The following TLK2 variants were observed in gnomAD, a reference collection of about 807,000 sequenced individuals.
TLK2 encodes the protein tousled like kinase 2.
A neutral mutation model predicts 117.3 loss-of-function variants in TLK2; 6 were observed. That is an observed-to-expected ratio of 0.05 (90% CI 0.03 to 0.10). The LOEUF (loss-of-function observed/expected upper bound fraction) is 0.10, where lower values mean the gene tolerates loss of function less well. Ranked by LOEUF, TLK2 falls within the 10% of genes least tolerant of loss-of-function variation. The pLI is 1.00. For synonymous variants in TLK2, 257 were observed against 316.7 expected (o/e 0.81, Z 2.00); for missense variants, 299 against 901.2 (o/e 0.33, Z 8.56).
intron 2 of TLK2, among the ~76,000 whole-genome samples, chr17:62,503,297 A>C (rs529389804): frequency 1.3e-5 from 2 of 151,978 alleles, no homozygotes; most frequent in South Asian, 4.1e-4. Context: ...TGACCCTGTG[A>C]TCCGCCTGCC....
chr17:62,602,833 G>A (rs1365084012), intron 19 of TLK2, among the ~76,000 whole-genome samples: 1 of 151,966 alleles, frequency 6.6e-6, no homozygotes, highest in Non-Finnish European at 1.5e-5. Flanking sequence ...ATTACCTTTG[G>A]CCATTAGAAC....
chr17:62,606,068 T>G (rs2083279942), intron 19 of TLK2, 62 bp from the exon 20 acceptor site: 2 of 723,142 alleles, frequency 2.8e-6, no homozygotes, highest in Non-Finnish European at 4.2e-6. Context: ...TTTGTCTTTT[T>G]GTACATGTCT....
At chr17:62,484,590 G>A (rs571405683) in intron 2 of TLK2, among the ~76,000 whole-genome samples, 9 of 152,102 alleles carry the variant, frequency 5.9e-5, no homozygotes, top group Non-Finnish European at 1.2e-4. Context: ...GAGCCATCGC[G>A]CCCAGCCTTT....
At chr17:62,537,774 G>C (rs1022172896) in intron 7 of TLK2, among the ~76,000 whole-genome samples, 1 of 152,126 alleles carries the variant, frequency 6.6e-6, no homozygotes, top group Non-Finnish European at 1.5e-5. Flanking sequence ...GAAGTGTTTT[G>C]ATCTTTAATC....
At chr17:62,538,077 C>T (rs1327055764) in intron 7 of TLK2, among the ~76,000 whole-genome samples, 1 of 139,630 alleles carries the variant, frequency 7.2e-6, no homozygotes, top group Admixed American at 7.8e-5. Flanking sequence ...GTTCTGTCGC[C>T]CAGTCTGGAG....
At chr17:62,480,609 CAGG>C (rs2071523719) in intron 1 of TLK2, among the ~76,000 whole-genome samples, 1 of 152,198 alleles carries the variant, frequency 6.6e-6, no homozygotes, top group African/African-American at 2.4e-5. Context: ...TCTTCAGAGA[CAGG>C]AGCTGTATAA....
chr17:62,608,195 T>C, intron 21 of TLK2, 47 bp downstream of exon 21: 1 of 1,508,328 alleles, frequency 6.6e-7, no homozygotes, highest in Non-Finnish European at 9.1e-7. Context: ...CTGCTTTGCT[T>C]TCTGTATTAC....
intron 2 of TLK2, among the ~76,000 whole-genome samples, chr17:62,496,768 A>T (rs2073731833): frequency 6.6e-6 from 1 of 152,072 alleles, no homozygotes; most frequent in African/African-American, 2.4e-5. Context: ...ATCCTGGCTA[A>T]CATAGTGAAA....
chr17:62,511,424 G>T (rs1424379233), intron 2 of TLK2, among the ~76,000 whole-genome samples: 3 of 152,162 alleles, frequency 2.0e-5, no homozygotes, highest in Non-Finnish European at 2.9e-5. Flanking sequence ...AGGCTGGAAT[G>T]CAGTGGTGCA....
chr17:62,504,056 C>T (rs1288564160), intron 2 of TLK2, among the ~76,000 whole-genome samples: 1 of 152,120 alleles, frequency 6.6e-6, no homozygotes, highest in East Asian at 1.9e-4. Context: ...AATATTGTGA[C>T]TTGTTGAATA....
chr17:62,606,962 G>C (rs2083348262), intron 20 of TLK2, among the ~76,000 whole-genome samples: 1 of 148,200 alleles, frequency 6.7e-6, no homozygotes, highest in African/African-American at 2.5e-5. Flanking sequence ...ACATTCCCCA[G>C]ACCAGGCTCT....
rs745749004 is a variant in TLK2, at chr17:62,520,895, A to G, written c.153+51A>G. 3.8e-6 allele frequency: 6 copies of G among 1,592,924 alleles called. No homozygotes were observed. The South Asian group carries it at 6.7e-5, about 18-fold the overall frequency. On this transcript the variant is annotated intron_variant, in intron 3 of 21. Transcript: ENST00000346027. The stretch of plus-strand genomic sequence containing the variant: ...CTTTTCATACTTGTACGTTTGGGCC[A>G]GGTTTGGTGGCTCAAGGCTGTAATC...
intron 2 of TLK2, among the ~76,000 whole-genome samples, chr17:62,511,224 ACTT>A (rs2075118912): frequency 6.6e-6 from 1 of 152,226 alleles, no homozygotes; most frequent in Admixed American, 6.5e-5. Flanking sequence ...TGCAGAAACT[ACTT>A]CATCATAAGG....
At chr17:62,574,497 A>C (rs2080598999) in intron 12 of TLK2, 3 of 723,680 alleles carry the variant, frequency 4.1e-6, no homozygotes, top group African/African-American at 1.9e-5. Context: ...ATCTTCATTC[A>C]TATAACTCCA....
At chr17:62,476,501 T>G (rs1417919140), upstream of TLK2, among the ~76,000 whole-genome samples, 4 of 151,996 alleles carry the variant, frequency 2.6e-5, no homozygotes, top group Admixed American at 6.6e-5. Flanking sequence ...GAGAATCGCA[T>G]GAACCCAGGA....
At chr17:62,556,565 A>T (rs114697288) in intron 9 of TLK2, among the ~76,000 whole-genome samples, 1 of 152,168 alleles carries the variant, frequency 6.6e-6, no homozygotes, top group South Asian at 2.1e-4. Flanking sequence ...CTGCCTCTCA[A>T]ATATAACACG....
chr17:62,513,267 G>A (rs1391536320), intron 2 of TLK2, among the ~76,000 whole-genome samples: 5 of 147,602 alleles, frequency 3.4e-5, no homozygotes, highest in African/African-American at 1.0e-4. Context: ...TGTTCCAGTA[G>A]CATTTATTTA....
At chr17:62,603,844 T>C (rs1041183213) in intron 19 of TLK2, among the ~76,000 whole-genome samples, 1 of 152,120 alleles carries the variant, frequency 6.6e-6, no homozygotes, top group African/African-American at 2.4e-5. Flanking sequence ...AGTCTCCAAA[T>C]TGGTAGAAAT....
chr17:62,601,921 T>G, intron 18 of TLK2, 121 bp from the exon 19 acceptor site: 1 of 834,774 alleles, frequency 1.2e-6, no homozygotes. Context: ...ATTCCCAGGA[T>G]TTGGATGTTT....
Sources: allele counts gnomAD v4.1 joint callset (sites outside exome capture counted in the v4.1 genomes callset), GRCh38; gene constraint gnomAD v4.1.1; transcripts MANE v1.5; gene names NCBI Gene and HGNC (gene_info 2026-07-23, HGNC 2026-07-21).